GPR158: variants seen among roughly 807,000 people sequenced by gnomAD.
GPR158 encodes metabotropic glycine receptor.
Under a neutral mutation model 78.2 loss-of-function variants are expected in GPR158, and 30 were observed. The observed-to-expected ratio is 0.38, with a 90% confidence interval of 0.29 to 0.52. The LOEUF (loss-of-function observed/expected upper bound fraction) is 0.52. Among genes scored for constraint, GPR158 ranks in the 20% least tolerant of loss-of-function variants. The pLI is 0.83. For missense variants in GPR158, 1,463 were observed against 1,523.5 expected (o/e 0.96, Z 0.66); for synonymous variants, 581 against 591.1 (o/e 0.98, Z 0.25).
At chr10:25,488,154 G>C (rs1461057843) in intron 5 of GPR158, among the ~76,000 whole-genome samples, 1 of 152,036 alleles carries the variant, frequency 6.6e-6, no homozygotes, top group African/African-American at 2.4e-5. Flanking sequence ...AGGGATCCTG[G>C]GTGACTACCA....
At chr10:25,361,538 T>G (rs1334650177) in intron 2 of GPR158, among the ~76,000 whole-genome samples, 1 of 151,956 alleles carries the variant, frequency 6.6e-6, no homozygotes, top group Non-Finnish European at 1.5e-5. Context: ...CCGGCACCAT[T>G]TAAAATTCCT....
intron 5 of GPR158, among the ~76,000 whole-genome samples, chr10:25,468,070 T>C (rs12770449): frequency 7.2e-5 from 11 of 152,004 alleles, no homozygotes; most frequent in Admixed American, 2.0e-4. Flanking sequence ...TGCACCTGCG[T>C]ATCTCTTAGG....
intron 4 of GPR158, among the ~76,000 whole-genome samples, chr10:25,440,061 C>T (rs1008162619): frequency 1.3e-5 from 2 of 152,172 alleles, no homozygotes; most frequent in Non-Finnish European, 2.9e-5. Flanking sequence ...TATAACCTGG[C>T]TTCCTGAAGG....
Position 25,599,776 on chromosome 10 carries a change from T to G in GPR158, c.*502T>G, listed in dbSNP as rs893289379. The G allele has an allele frequency of 6.5e-6, 1 of 154,688 alleles. No homozygotes were observed. Among genetic ancestry groups the G allele is most frequent in the African/African-American group, 2.4e-5 (1 of 41,474 alleles). 9.6% of individuals were successfully genotyped at this position (154,688 alleles called of 1,614,324 possible). Reference sequence around the variant, plus strand: ...TTTATATTAATGATTGCTCTCATTTTCTTATAAATGTATGTTTCAGTATAT... The same window carrying G: ...TTTATATTAATGATTGCTCTCATTTGCTTATAAATGTATGTTTCAGTATAT... On this transcript the variant is annotated 3_prime_UTR_variant, in exon 11 of 11. Transcript: ENST00000376351.
chr10:25,239,154 A>G (rs1248467134), intron 2 of GPR158, among the ~76,000 whole-genome samples: 1 of 152,160 alleles, frequency 6.6e-6, no homozygotes, highest in Non-Finnish European at 1.5e-5. Context: ...TACTTTGTCT[A>G]ACTCTTGCTA....
intron 1 of GPR158, among the ~76,000 whole-genome samples, chr10:25,188,544 A>G (rs1432415849): frequency 6.6e-6 from 1 of 152,220 alleles, no homozygotes; most frequent in African/African-American, 2.4e-5. Flanking sequence ...AGGATTCCCT[A>G]TTTATTAAAT....
chr10:25,175,346 T>C lies in GPR158; in HGVS notation c.-75T>C. ...AAGACTCCTCGAAAAAGTCTGACTG[T>C]TGAGAAACTGACGATCCAAATTTAA... On this transcript the variant is annotated 5_prime_UTR_variant, in exon 1 of 11. Coordinates refer to ENST00000376351, the MANE Select transcript of GPR158 (RefSeq NM_020752.3). This position sits in a 1 kb window ranked among gnomAD's most constrained non-coding sequence, Gnocchi z 6.4. 2.2e-6 allele frequency: 2 copies of C among 895,456 alleles called. No homozygotes were observed. Among genetic ancestry groups the C allele is most frequent in the Non-Finnish European group, 3.5e-6 (2 of 573,754 alleles). 55.5% of individuals were successfully genotyped at this position (895,456 alleles called of 1,614,324 possible).
At position 25,309,114 on chromosome 10, in the gene GPR158, T is replaced by C. The variant is rs191308416; in HGVS notation, c.1009-86797T>C. ...TCATATGGTAAGCCTATTTTTAGGC[T>C]TTTGAGGAGCTGCTATCCTGTTTTC... On this transcript the variant is annotated intron_variant, in intron 2 of 10. Transcript: ENST00000376351. Among the ~76,000 whole-genome samples the C allele has an allele frequency of 3.3e-3, 510 of 152,264 alleles. 3 individuals are homozygous for C. Among genetic ancestry groups the C allele is most frequent in the African/African-American group, 0.011 (471 of 41,552 alleles).
At chr10:25,540,228 C>A (rs1360580015) in intron 5 of GPR158, among the ~76,000 whole-genome samples, 1 of 152,130 alleles carries the variant, frequency 6.6e-6, no homozygotes, top group African/African-American at 2.4e-5. Flanking sequence ...AAATGCAAAT[C>A]AAAACCACAA....
chr10:25,381,963 TTTGTTGCC>T (rs959675450), intron 2 of GPR158, among the ~76,000 whole-genome samples: 1 of 152,218 alleles, frequency 6.6e-6, no homozygotes, highest in African/African-American at 2.4e-5. Flanking sequence ...GATTTTGTTC[TTTGTTGCC>T]TCAGCAAATA....
At chr10:25,210,663 T>A (rs775915594) in intron 1 of GPR158, among the ~76,000 whole-genome samples, 1 of 152,218 alleles carries the variant, frequency 6.6e-6, no homozygotes, top group Non-Finnish European at 1.5e-5. Flanking sequence ...TTGGGTTTAC[T>A]TTTTTTGTAA....
chr10:25,321,874 C>G (rs1027412582), intron 2 of GPR158, among the ~76,000 whole-genome samples: 2 of 151,990 alleles, frequency 1.3e-5, no homozygotes, highest in African/African-American at 4.8e-5. Context: ...ATTTTTTATT[C>G]TAGCATTTCA....
chr10:25,305,181 C>T (rs824145), intron 2 of GPR158, among the ~76,000 whole-genome samples: 90,930 of 152,078 alleles, frequency 0.6, 28,999 homozygotes, highest in Non-Finnish European at 0.74. Context: ...TAACAGAAAT[C>T]ACATTGTTAT....
chr10:25,368,285 T>G (rs1833927134), intron 2 of GPR158, among the ~76,000 whole-genome samples: 1 of 111,726 alleles, frequency 9.0e-6, no homozygotes, highest in African/African-American at 4.2e-5. Flanking sequence ...TAAGACAGTA[T>G]TTTTTTTTAG....
In GPR158 at chr10:25,516,214, GTTGT is replaced by G. The variant is rs1277982767; in HGVS notation, c.1405-34755_1405-34752del. On this transcript the variant is annotated intron_variant, in intron 5 of 10. Transcript: ENST00000376351. ...TGTCCTTTGCCCACTTTTTGATGGG[GTTGT>G]TTGTTTTTTTCTTGTAAATTTGTTT... Among the ~76,000 whole-genome samples the G allele has an allele frequency of 1.4e-4, 21 of 151,508 alleles. No homozygotes were observed. In the East Asian group the frequency reaches 3.5e-3, roughly 25 times the overall value.
rs1471223924 is a variant in GPR158, at chr10:25,274,811, T to C, written c.1008+53654T>C. On this transcript the variant is annotated intron_variant, in intron 2 of 10. Transcript: ENST00000376351. ...TTTTGTTGTGTTCTTTGGTGTATTG[T>C]AGTGAATTAAGTCCCAGTTGTAAAT... 2.6e-5 allele frequency among the ~76,000 whole-genome samples: 4 copies of C among 152,234 alleles called. No homozygotes were observed. The East Asian group carries it at 7.7e-4, about 29-fold the overall frequency.
intron 1 of GPR158, among the ~76,000 whole-genome samples, chr10:25,205,986 C>G (rs957066849): frequency 2.9e-4 from 33 of 113,606 alleles, no homozygotes; most frequent in African/African-American, 1.3e-3. Flanking sequence ...ATGTGGGTCC[C>G]TCTTTTTTTT....
In GPR158 at chr10:25,386,475, A is replaced by G. The variant is rs115963255; in HGVS notation, c.1009-9436A>G. On this transcript the variant is annotated intron_variant, in intron 2 of 10. Transcript: ENST00000376351. ...TTTTTCGATTTCTGCAAAAAATGTC[A>G]TTAGGATTTTGATATGGATTACATT... Among the ~76,000 whole-genome samples, 1,428 of 152,264 alleles carry G rather than the reference A, an allele frequency of 9.4e-3. 27 individuals carry two copies. Among genetic ancestry groups the G allele is most frequent in the African/African-American group, 0.033 (1,356 of 41,562 alleles).
At chr10:25,316,925 A>G (rs1027299656) in intron 2 of GPR158, among the ~76,000 whole-genome samples, 30 of 90,574 alleles carry the variant, frequency 3.3e-4, no homozygotes, top group Non-Finnish European at 6.8e-4. Context: ...GTGTGTGTGT[A>G]TGTGTGTGTA....
Sources: allele counts gnomAD v4.1 joint callset (sites outside exome capture counted in the v4.1 genomes callset), GRCh38; gene constraint gnomAD v4.1.1; non-coding constraint Gnocchi (gnomAD v3.1); transcripts MANE v1.5; gene names NCBI Gene and HGNC (gene_info 2026-07-23, HGNC 2026-07-21).